The following THSD7A variants were observed in gnomAD, a reference collection of about 807,000 sequenced individuals.
THSD7A encodes thrombospondin type 1 domain containing 7A, also known as thrombospondin type-1 domain-containing protein 7A.
THSD7A carries 96 observed loss-of-function variants against 231.3 expected under a neutral mutation model. The observed-to-expected ratio is 0.41, with a 90% CI of 0.35 to 0.49. The LOEUF is 0.49. THSD7A is among the 20% of genes least tolerant of loss of function. THSD7A has a pLI of 0.05. For synonymous variants in THSD7A, 940 were observed against 743.3 expected, an observed-to-expected ratio of 1.26 and a Z score of -4.30; for missense variants, 2,290 against 2,070.2, an observed-to-expected ratio of 1.11 and a Z score of -2.06.
chr7:11,388,675 T>C (rs1782861488), intron 23 of THSD7A, among the ~76,000 whole-genome samples: 1 of 152,166 alleles, frequency 6.6e-6, no homozygotes, highest in Non-Finnish European at 1.5e-5. Flanking sequence ...GAAGAGTTTT[T>C]TGTGTCTCTA....
At chr7:11,593,573 A>T in intron 2 of THSD7A, 71 bp from the exon 3 acceptor site, 1 of 1,538,592 alleles carries the variant, frequency 6.5e-7, no homozygotes, top group Non-Finnish European at 8.8e-7. Flanking sequence ...TACGCTCAAG[A>T]GTGAATCAGC....
chr7:11,644,949 A>G (rs12699252), intron 1 of THSD7A, among the ~76,000 whole-genome samples: 68,973 of 151,668 alleles, frequency 0.45, 15,844 homozygotes, highest in South Asian at 0.64. Flanking sequence ...TAAAGTCTTC[A>G]TGTATCAGTG....
At chr7:11,719,610 A>G (rs1304741236) in intron 1 of THSD7A, among the ~76,000 whole-genome samples, 1 of 151,504 alleles carries the variant, frequency 6.6e-6, no homozygotes, top group Non-Finnish European at 1.5e-5. Flanking sequence ...ATGCCCAGTG[A>G]TCCCCTCAAT....
intron 4 of THSD7A, among the ~76,000 whole-genome samples, chr7:11,552,708 T>G (rs1203614847): frequency 6.6e-6 from 1 of 152,116 alleles, no homozygotes; most frequent in African/African-American, 2.4e-5. Flanking sequence ...ATGTTTAAAA[T>G]GGCAACCCCA....
intron 1 of THSD7A, chr7:11,820,419 C>T: frequency 7.5e-7 from 1 of 1,326,822 alleles, no homozygotes; most frequent in South Asian, 1.7e-5. Context: ...TGTCATGGGC[C>T]CACTTGGGGC....
In THSD7A at chr7:11,502,877, C is replaced by T. The variant is rs371031972; in HGVS notation, c.1823-20895G>A. ...CAGTATCATTAAAATGGCTATACTG[C>T]CCAAAGCAATTTACAGATTCAATGT... On this transcript the variant is annotated intron_variant, in intron 6 of 27. Transcript: ENST00000423059. 1.7e-3 allele frequency among the ~76,000 whole-genome samples: 253 copies of T among 152,220 alleles called. 4 individuals are homozygous for T. The highest frequency in any genetic ancestry group is 5.9e-3 in the African/African-American group (245 of 41,544).
intron 13 of THSD7A, among the ~76,000 whole-genome samples, chr7:11,442,952 A>G (rs1003820161): frequency 1.2e-4 from 19 of 152,032 alleles, no homozygotes; most frequent in African/African-American, 4.6e-4. Context: ...TGCATTCTTC[A>G]TGCTGTGAGT....
At chr7:11,416,899 CAG>C (rs1783980640) in intron 17 of THSD7A, among the ~76,000 whole-genome samples, 1 of 152,162 alleles carries the variant, frequency 6.6e-6, no homozygotes, top group Non-Finnish European at 1.5e-5. Context: ...CAAAGAGACA[CAG>C]AGTCAGTGTG....
chr7:11,424,449 A>G (rs1235598759), intron 16 of THSD7A, among the ~76,000 whole-genome samples: 1 of 152,236 alleles, frequency 6.6e-6, no homozygotes, highest in African/African-American at 2.4e-5. Flanking sequence ...GTTCAGATTG[A>G]ATATGCTGTT....
chr7:11,486,388 G>A (rs746837331), intron 6 of THSD7A, among the ~76,000 whole-genome samples: 5 of 152,194 alleles, frequency 3.3e-5, no homozygotes, highest in Non-Finnish European at 5.9e-5. Flanking sequence ...AGAAATGGAA[G>A]TTTTGCTGCC....
At position 11,546,202 on chromosome 7, in the gene THSD7A, G is replaced by GCGCGCGCGCGCACACACACACACACA. The variant is rs761841418; in HGVS notation, c.1454-3086_1454-3085insTGTGTGTGTGTGTGTGCGCGCGCGCG. ...TCTGTTGTTGCTGGTGTGGGCGCGC[G>GCGCGCGCGCGCACACACACACACACA]CTCACACACACACACACACACACAC... On this transcript the variant is annotated intron_variant, in intron 4 of 27. Transcript: ENST00000423059. Among the ~76,000 whole-genome samples the GCGCGCGCGCGCACACACACACACACA allele has an allele frequency of 1.9e-3, 250 of 129,418 alleles. 4 individuals carry two copies. Among genetic ancestry groups the GCGCGCGCGCGCACACACACACACACA allele is most frequent in the East Asian group, 0.012 (54 of 4,410 alleles). 84.9% of individuals were successfully genotyped at this position (129,418 alleles called of 152,430 possible). A position where few individuals can be genotyped will look rare whatever the true frequency, so the allele number is the denominator to read the frequency against.
At chr7:11,748,998 G>C (rs1301763344) in intron 1 of THSD7A, among the ~76,000 whole-genome samples, 1 of 151,920 alleles carries the variant, frequency 6.6e-6, no homozygotes, top group East Asian at 1.9e-4. Context: ...GCTCCTCTGA[G>C]AGAGTGTCAC....
At position 11,734,670 on chromosome 7, in the gene THSD7A, A is replaced by G. The variant is rs76378805; in HGVS notation, c.190+97087T>C. On this transcript the variant is annotated intron_variant, in intron 1 of 27. Coordinates refer to ENST00000423059, the MANE Select transcript of THSD7A (RefSeq NM_015204.3). ...TTGTTAATGACCTTATTTTGCTACT[A>G]TTATTTGTATAAACATTATTTTCTT... Among the ~76,000 whole-genome samples the G allele has an allele frequency of 4.0e-3, 612 of 152,004 alleles. 2 individuals carry two copies. Among genetic ancestry groups the G allele is most frequent in the African/African-American group, 0.014 (571 of 41,522 alleles).
At chr7:11,480,907 T>G (rs1786396347) in intron 7 of THSD7A, among the ~76,000 whole-genome samples, 1 of 138,766 alleles carries the variant, frequency 7.2e-6, no homozygotes, top group Non-Finnish European at 1.6e-5. Context: ...AAATAATTAT[T>G]TATCAGTGCT....
At chr7:11,496,736 T>A (rs1474920747) in intron 6 of THSD7A, among the ~76,000 whole-genome samples, 1 of 152,098 alleles carries the variant, frequency 6.6e-6, no homozygotes, top group Non-Finnish European at 1.5e-5. Flanking sequence ...ACTATACAGA[T>A]GAAATATAAA....
intron 2 of THSD7A, among the ~76,000 whole-genome samples, chr7:11,618,715 G>A (rs1157478070): frequency 1.6e-4 from 25 of 151,902 alleles, no homozygotes; most frequent in Admixed American, 1.6e-3. Flanking sequence ...GTGAACCCGG[G>A]AGGCGGAGCT....
At chr7:11,584,591 G>A (rs1469947404) in intron 4 of THSD7A, among the ~76,000 whole-genome samples, 1 of 152,082 alleles carries the variant, frequency 6.6e-6, no homozygotes, top group African/African-American at 2.4e-5. Flanking sequence ...GTTAAGTAAT[G>A]TGCCTAAGAA....
intron 13 of THSD7A, among the ~76,000 whole-genome samples, chr7:11,432,086 T>C (rs2115431451): frequency 1.3e-5 from 2 of 152,268 alleles, no homozygotes; most frequent in African/African-American, 4.8e-5. Flanking sequence ...CAGTATTTCC[T>C]AGCCTTGCCT....
intron 2 of THSD7A, among the ~76,000 whole-genome samples, chr7:11,615,628 T>C (rs1781079990): frequency 6.6e-6 from 1 of 152,214 alleles, no homozygotes; most frequent in African/African-American, 2.4e-5. Flanking sequence ...TATAGTGTAC[T>C]CATTTTATAT....
Sources: allele counts gnomAD v4.1 joint callset (sites outside exome capture counted in the v4.1 genomes callset), GRCh38; gene constraint gnomAD v4.1.1; transcripts MANE v1.5; gene names NCBI Gene and HGNC (gene_info 2026-07-23, HGNC 2026-07-21).